The following TGFB2 variants were observed in gnomAD, a reference collection of about 807,000 sequenced individuals.
TGFB2 encodes the protein transforming growth factor beta 2.
In TGFB2, 13 loss-of-function variants were observed where a neutral mutation model predicts 42.7. That is an observed-to-expected ratio of 0.30 (90% confidence interval 0.20 to 0.48). The LOEUF is 0.48. TGFB2 is among the 20% of genes least tolerant of loss of function. TGFB2 has a pLI of 0.99. For synonymous variants in TGFB2, 193 were observed against 193.6 expected, an observed-to-expected ratio of 1.00 and a Z score of 0.03; for missense variants, 390 against 517.5, an observed-to-expected ratio of 0.75 and a Z score of 2.39.
At chr1:218,351,689 C>T (rs974906747) in intron 1 of TGFB2, among the ~76,000 whole-genome samples, 1 of 152,128 alleles carries the variant, frequency 6.6e-6, no homozygotes, top group Admixed American at 6.5e-5. Flanking sequence ...AGGTGGGGAC[C>T]TCTCCACCTC....
chr1:218,414,476 G>A (rs1035131040), intron 2 of TGFB2, among the ~76,000 whole-genome samples: 1 of 152,030 alleles, frequency 6.6e-6, no homozygotes, highest in African/African-American at 2.4e-5. Context: ...GACATACATA[G>A]CATAGTAACC....
At chr1:218,362,189 T>C (rs893796932) in intron 1 of TGFB2, among the ~76,000 whole-genome samples, 2 of 151,904 alleles carry the variant, frequency 1.3e-5, no homozygotes, top group South Asian at 4.2e-4. Context: ...AAGAGAAGAG[T>C]CCACAAAGCC....
At chr1:218,405,622 G>A (rs1658887424) in intron 2 of TGFB2, 2 of 420,326 alleles carry the variant, frequency 4.8e-6, no homozygotes, top group Non-Finnish European at 8.9e-6. Context: ...TCCCACCTTG[G>A]CCTCAAAAAG....
At chr1:218,413,862 G>A (rs1170471844) in intron 2 of TGFB2, among the ~76,000 whole-genome samples, 1 of 152,194 alleles carries the variant, frequency 6.6e-6, no homozygotes, top group East Asian at 1.9e-4. Context: ...TAAAACAGTG[G>A]TGAAATCCTA....
rs137950403 is a variant in TGFB2 at position 218,365,023 on chromosome 1, C to G, written c.346+17976C>G. On this transcript the variant is annotated intron_variant, in intron 1 of 6. Coordinates refer to ENST00000366930, the MANE Select transcript of TGFB2 (RefSeq NM_003238.6). ...GAAAGAAAACATTTGTTGAATACCC[C>G]CTATGTCCCTGGTACTTAAGACACA... Among the ~76,000 whole-genome samples the G allele has an allele frequency of 6.3e-4, 96 of 152,244 alleles. No homozygotes were observed. The East Asian group carries it at 0.015, about 25-fold the overall frequency.
chr1:218,380,194 C>T (rs962471797), intron 1 of TGFB2, among the ~76,000 whole-genome samples: 2 of 152,160 alleles, frequency 1.3e-5, no homozygotes, highest in South Asian at 2.1e-4. Context: ...AAGCTCAAGT[C>T]GGTGACCAAT....
In TGFB2 at chr1:218,413,063, C is replaced by T. The variant is rs533176514; in HGVS notation, c.510+7731C>T. Among the ~76,000 whole-genome samples, 3 of 152,246 alleles carry T rather than the reference C, an allele frequency of 2.0e-5. No homozygotes were observed. The East Asian group carries it at 5.8e-4, about 29-fold the overall frequency. ...GTGCAAATGTCCAAGGCAGAAGCTG[C>T]AAGTCCTCTTAAAAACTAGGCCCAG... On this transcript the variant is annotated intron_variant, in intron 2 of 6. Transcript: ENST00000366930.
At chr1:218,364,127 C>A (rs924269113) in intron 1 of TGFB2, among the ~76,000 whole-genome samples, 5 of 152,162 alleles carry the variant, frequency 3.3e-5, no homozygotes, top group African/African-American at 1.2e-4. Flanking sequence ...TAGAGGGAGA[C>A]CTGTCGGGGA....
chr1:218,346,873 C>T lies in TGFB2; in HGVS notation c.172C>T (p.Pro58Ser), dbSNP rs1359839189. 6.2e-7 allele frequency: 1 copy of T among 1,614,172 alleles called. No individual in the cohort carries two copies. Among genetic ancestry groups the T allele is most frequent in the Admixed American group, 1.7e-5 (1 of 60,020 alleles). Residue 58 changes from proline (P) to serine (S), a missense_variant, in exon 1 of 7, where the codon CCT (proline) becomes TCT (serine). Coordinates refer to ENST00000366930, the MANE Select transcript of TGFB2 (RefSeq NM_003238.6). The surrounding 1 kb of genome is among the most constrained non-coding windows in gnomAD (Gnocchi z 4.9). The stretch of plus-strand genomic sequence containing the variant: ...GCTCACCAGTCCCCCAGAAGACTAT[C>T]CTGAGCCCGAGGAAGTCCCCCCGGA... ...LKLTSPPEDYPEPEEVPPEVI... is the reference protein window; with the variant it reads ...LKLTSPPEDYSEPEEVPPEVI...
At chr1:218,358,092 A>G (rs1429707397) in intron 1 of TGFB2, among the ~76,000 whole-genome samples, 4 of 152,232 alleles carry the variant, frequency 2.6e-5, no homozygotes, top group Admixed American at 2.6e-4. Flanking sequence ...AGGCTATTGT[A>G]AGAATCCTTA....
intron 1 of TGFB2, among the ~76,000 whole-genome samples, chr1:218,385,175 G>A (rs1658092486): frequency 6.6e-6 from 1 of 152,098 alleles, no homozygotes; most frequent in South Asian, 2.1e-4. Flanking sequence ...CTGCAAAAGG[G>A]AGATGTACCT....
intron 2 of TGFB2, among the ~76,000 whole-genome samples, chr1:218,411,779 CG>C (rs760385542): frequency 2.7e-5 from 4 of 150,938 alleles, no homozygotes; most frequent in Non-Finnish European, 5.9e-5. Context: ...GCAGGAGAAT[CG>C]CTTGAACCCG....
rs1346012541 is a variant in TGFB2, at chr1:218,442,693, A to G, written c.*1331A>G. On this transcript the variant is annotated 3_prime_UTR_variant, in exon 7 of 7. Coordinates refer to ENST00000366930, the MANE Select transcript of TGFB2 (RefSeq NM_003238.6). ...TTTTCTTTTTTTTGTTTCACAGAAA[A>G]GATGGGTTCGAGTTCAGTGGTCTTC... 6.6e-6 allele frequency: 1 copy of G among 152,020 alleles called. No individual in the cohort carries two copies. The highest frequency in any genetic ancestry group is 2.4e-5 in the African/African-American group (1 of 41,414). The allele number at this position is 152,020 out of a possible 1,614,324, so 9.4% of individuals were successfully genotyped here.
chr1:218,381,090 C>T (rs1287523586), intron 1 of TGFB2, among the ~76,000 whole-genome samples: 5 of 152,172 alleles, frequency 3.3e-5, no homozygotes, highest in Non-Finnish European at 5.9e-5. Flanking sequence ...GTGCATCAAG[C>T]CGAACCCCAA....
At chr1:218,412,962 T>C (rs527438878) in intron 2 of TGFB2, among the ~76,000 whole-genome samples, 3 of 152,330 alleles carry the variant, frequency 2.0e-5, no homozygotes, top group South Asian at 4.1e-4. Context: ...CCTTTTCCCA[T>C]GGGGCTGATA....
At chr1:218,416,535 A>T (rs1304506808) in intron 2 of TGFB2, among the ~76,000 whole-genome samples, 1 of 152,218 alleles carries the variant, frequency 6.6e-6, no homozygotes, top group African/African-American at 2.4e-5. Context: ...CCAAAGTTCT[A>T]TGGAAGAGGA....
chr1:218,394,160 C>T (rs1232128655), intron 1 of TGFB2, among the ~76,000 whole-genome samples: 3 of 152,142 alleles, frequency 2.0e-5, no homozygotes, highest in Non-Finnish European at 4.4e-5. Flanking sequence ...CCGCCCGCCT[C>T]GGCCTCCCAA....
chr1:218,435,585 C>G (rs1659944360), intron 4 of TGFB2, among the ~76,000 whole-genome samples: 1 of 152,046 alleles, frequency 6.6e-6, no homozygotes, highest in South Asian at 2.1e-4. Context: ...CAGCGGGTGA[C>G]AAGGCATGTT....
At chr1:218,403,109 G>A (rs141787022) in intron 1 of TGFB2, among the ~76,000 whole-genome samples, 4 of 152,358 alleles carry the variant, frequency 2.6e-5, no homozygotes, top group African/African-American at 4.8e-5. Flanking sequence ...CCTGGAAGCC[G>A]CCCATCAACT....
Sources: gnomAD v4.1 joint callset for allele counts (sites outside exome capture counted in the v4.1 genomes callset) on GRCh38, gnomAD v4.1.1 for gene constraint, Gnocchi (gnomAD v3.1) non-coding constraint, MANE v1.5 for transcripts, NCBI Gene and HGNC (gene_info 2026-07-23, HGNC 2026-07-21) for gene names.